LRIG1: variants seen among roughly 807,000 people sequenced by gnomAD.
LRIG1 encodes the protein leucine rich repeats and immunoglobulin like domains 1, also known as leucine-rich repeats and immunoglobulin-like domains protein 1.
LRIG1 carries 48 observed loss-of-function variants against 99.2 expected under a neutral mutation model. The observed-to-expected ratio is 0.48, with a 90% CI of 0.38 to 0.62. LRIG1 has a LOEUF of 0.62. Ranked by LOEUF, LRIG1 falls within the 20% of genes least tolerant of loss-of-function variation. The pLI is 0.00. For synonymous variants in LRIG1, 772 were observed against 596.1 expected (o/e 1.29, Z -4.30); for missense variants, 1,646 against 1,434.4 (o/e 1.15, Z -2.38).
intron 12 of LRIG1, among the ~76,000 whole-genome samples, chr3:66,392,392 A>G (rs940232201): frequency 6.6e-6 from 1 of 152,206 alleles, no homozygotes; most frequent in Non-Finnish European, 1.5e-5. Flanking sequence ...TGGCTGCCCC[A>G]GTTTACACTC....
At chr3:66,410,328 A>G in intron 6 of LRIG1, 56 bp from the exon 7 acceptor site, 1 of 1,535,894 alleles carries the variant, frequency 6.5e-7, no homozygotes, top group East Asian at 2.3e-5. Context: ...TTCACTGGAC[A>G]GACAGCAAAT....
intron 9 of LRIG1, among the ~76,000 whole-genome samples, chr3:66,402,756 G>A (rs1002427353): frequency 1.3e-5 from 2 of 152,110 alleles, no homozygotes; most frequent in Non-Finnish European, 2.9e-5. Context: ...GTGCTAACAC[G>A]CACCCCACTT....
chr3:66,409,854 C>T (rs1465415355), intron 7 of LRIG1: 1 of 345,250 alleles, frequency 2.9e-6, no homozygotes, highest in Non-Finnish European at 5.3e-6. Flanking sequence ...CCCAACAGGA[C>T]CTTGGGGGCC....
intron 1 of LRIG1, among the ~76,000 whole-genome samples, chr3:66,469,962 C>A (rs542271363): frequency 1.3e-5 from 2 of 149,816 alleles, no homozygotes; most frequent in Non-Finnish European, 3.0e-5. Context: ...AAGGCTCTGA[C>A]ACTTGCAAGC....
intron 5 of LRIG1, among the ~76,000 whole-genome samples, chr3:66,413,289 A>G (rs1702527064): frequency 6.6e-6 from 1 of 152,210 alleles, no homozygotes; most frequent in Non-Finnish European, 1.5e-5. Flanking sequence ...TGCACAGAAG[A>G]GAACGCGTGT....
chr3:66,386,601 C>G (rs562378894), intron 12 of LRIG1: 2 of 335,900 alleles, frequency 6.0e-6, no homozygotes, highest in South Asian at 4.0e-5. Flanking sequence ...AGACAACTGG[C>G]TCTGCCTGCT....
At chr3:66,403,203 T>C (rs1702130336) in intron 9 of LRIG1, among the ~76,000 whole-genome samples, 1 of 152,192 alleles carries the variant, frequency 6.6e-6, no homozygotes, top group Non-Finnish European at 1.5e-5. Context: ...CAGGAGTTTA[T>C]GGAATCCAAA....
At chr3:66,381,177 C>CG (rs1559762598) in intron 17 of LRIG1, among the ~76,000 whole-genome samples, 17 of 152,292 alleles carry the variant, frequency 1.1e-4, no homozygotes, top group African/African-American at 3.9e-4. Flanking sequence ...AAATAAGCCT[C>CG]AAAATAGCCC....
intron 3 of LRIG1, among the ~76,000 whole-genome samples, chr3:66,447,097 A>C (rs1443307409): frequency 1.3e-5 from 2 of 152,114 alleles, no homozygotes; most frequent in African/African-American, 4.8e-5. Context: ...TTGTGAGTAC[A>C]TAGTAGGTGT....
rs751193708 is a variant in LRIG1, at chr3:66,398,105, T to A, written c.1304+7A>T. 6.8e-6 allele frequency: 11 copies of A among 1,610,062 alleles called. No homozygotes were observed. ...ATTAATCAGACCCAGGGAATCCAGA[T>A]ACTTACAGCTCTTTAAGATTCTTCA... On this transcript the variant is annotated splice_region_variant and intron_variant, in intron 11 of 18. Coordinates refer to ENST00000273261, the MANE Select transcript of LRIG1 (RefSeq NM_015541.3).
chr3:66,480,329 T>C (rs1700819325), intron 1 of LRIG1, among the ~76,000 whole-genome samples: 3 of 152,158 alleles, frequency 2.0e-5, no homozygotes, highest in African/African-American at 7.2e-5. Flanking sequence ...GGAGTGCTAA[T>C]GGGTACAGGG....
intron 6 of LRIG1, among the ~76,000 whole-genome samples, chr3:66,412,512 G>C (rs532274352): frequency 1.9e-4 from 29 of 152,350 alleles, no homozygotes; most frequent in African/African-American, 6.5e-4. Flanking sequence ...CAATCTGCTA[G>C]GAAAATACCC....
At chr3:66,441,874 C>T (rs546252377) in intron 3 of LRIG1, among the ~76,000 whole-genome samples, 1 of 152,296 alleles carries the variant, frequency 6.6e-6, no homozygotes, top group African/African-American at 2.4e-5. Flanking sequence ...ACGTTGAGCA[C>T]GTTACTTGCC....
intron 16 of LRIG1, among the ~76,000 whole-genome samples, chr3:66,381,938 C>T (rs769727064): frequency 2.6e-5 from 4 of 151,150 alleles, no homozygotes; most frequent in African/African-American, 4.9e-5. Context: ...GATCACAGAG[C>T]AGACCTGGGC....
chr3:66,434,871 AC>A (rs1463196503), intron 3 of LRIG1, among the ~76,000 whole-genome samples: 1 of 152,086 alleles, frequency 6.6e-6, no homozygotes, highest in African/African-American at 2.4e-5. Flanking sequence ...GAAGAGTCTG[AC>A]GGTTTCTTAA....
In LRIG1 at chr3:66,382,974, G is replaced by C; in HGVS notation, c.2491+8C>G. On this transcript the variant is annotated splice_region_variant and intron_variant, in intron 15 of 18. Coordinates refer to ENST00000273261, the MANE Select transcript of LRIG1 (RefSeq NM_015541.3). ...CCTTGAAAGTCAGCTCCGCTGGCAGGGCCTGACCTGTGTTGGTGACACTGT... is the reference window on the plus strand; with the variant it reads ...CCTTGAAAGTCAGCTCCGCTGGCAGCGCCTGACCTGTGTTGGTGACACTGT... The C allele has an allele frequency of 1.3e-6, 2 of 1,594,444 alleles. No individual in the cohort carries two copies. The highest frequency in any genetic ancestry group is 2.2e-5 in the South Asian group (2 of 88,984).
At chr3:66,383,467 T>A in intron 14 of LRIG1, 66 bp from the exon 15 acceptor site, 1 of 1,390,682 alleles carries the variant, frequency 7.2e-7, no homozygotes. Flanking sequence ...CTGCCCGGTC[T>A]TCTGGACAAC....
At chr3:66,454,688 G>C (rs1338241472) in intron 2 of LRIG1, among the ~76,000 whole-genome samples, 2 of 152,168 alleles carry the variant, frequency 1.3e-5, no homozygotes, top group Admixed American at 6.5e-5. Context: ...TAGAGAAGGT[G>C]TAGCTAAGGT....
intron 1 of LRIG1, 44 bp downstream of exon 1, chr3:66,500,146 A>G: frequency 1.4e-6 from 2 of 1,456,058 alleles, no homozygotes; most frequent in Non-Finnish European, 1.8e-6. Context: ...TCCCCAAGTG[A>G]CAGAGCCCCG....
Sources: allele counts gnomAD v4.1 joint callset (sites outside exome capture counted in the v4.1 genomes callset), GRCh38; gene constraint gnomAD v4.1.1; transcripts MANE v1.5; gene names NCBI Gene and HGNC (gene_info 2026-07-23, HGNC 2026-07-21).